Variants in NMNAT3 observed in about 807,000 individuals in gnomAD.
NMNAT3 encodes the protein nicotinamide/nicotinic acid mononucleotide adenylyltransferase 3.
A neutral mutation model predicts 24.8 loss-of-function variants in NMNAT3; 21 were observed. That is an observed-to-expected ratio of 0.85 (90% CI 0.60 to 1.22). The LOEUF is 1.22. Ranked by LOEUF, NMNAT3 falls within the 50% of genes most tolerant of loss-of-function variation. NMNAT3 has a pLI of 0.00. For synonymous variants in NMNAT3, 136 were observed against 155.2 expected, an observed-to-expected ratio of 0.88 and a Z score of 0.92; for missense variants, 387 against 436.6, an observed-to-expected ratio of 0.89 and a Z score of 1.01.
At chr3:139,626,713 T>C (rs73220970) in intron 3 of NMNAT3, among the ~76,000 whole-genome samples, 1 of 152,266 alleles carries the variant, frequency 6.6e-6, no homozygotes, top group Non-Finnish European at 1.5e-5. Context: ...ACTTTTACTT[T>C]TTCAATAAAA....
chr3:139,636,935 A>C (rs1342439448), intron 2 of NMNAT3: 1 of 152,206 alleles, frequency 6.6e-6, no homozygotes, highest in African/African-American at 2.4e-5. Context: ...CAAAGTCCAC[A>C]GACTAAATCT....
intron 2 of NMNAT3, among the ~76,000 whole-genome samples, chr3:139,630,335 G>A (rs2056241025): frequency 6.6e-6 from 1 of 152,146 alleles, no homozygotes; most frequent in African/African-American, 2.4e-5. Context: ...ATTGGAAACT[G>A]GATTAACTAA....
chr3:139,648,220 C>T (rs909615617), intron 1 of NMNAT3, among the ~76,000 whole-genome samples: 1 of 152,186 alleles, frequency 6.6e-6, no homozygotes, highest in Non-Finnish European at 1.5e-5. Context: ...TGTGTTCTCT[C>T]TCACCTGCTG....
intron 1 of NMNAT3, among the ~76,000 whole-genome samples, chr3:139,647,907 TGGAA>T (rs539036927): frequency 1.4e-3 from 210 of 152,348 alleles, no homozygotes; most frequent in Admixed American, 2.4e-3. Context: ...ACAGACACGT[TGGAA>T]GGAAGAGTTT....
chr3:139,612,771 G>C (rs148574496), intron 3 of NMNAT3, among the ~76,000 whole-genome samples: 1 of 152,116 alleles, frequency 6.6e-6, no homozygotes, highest in South Asian at 2.1e-4. Context: ...GCATGGTACT[G>C]GTACCAAAAC....
chr3:139,640,906 T>G (rs1419945889), intron 1 of NMNAT3, among the ~76,000 whole-genome samples: 3 of 152,240 alleles, frequency 2.0e-5, no homozygotes, highest in Non-Finnish European at 4.4e-5. Context: ...CTGAGTCAGA[T>G]TTGAGGCTGT....
intron 3 of NMNAT3, among the ~76,000 whole-genome samples, chr3:139,604,222 C>A (rs536940476): frequency 6.6e-6 from 1 of 152,110 alleles, no homozygotes; most frequent in Admixed American, 6.5e-5. Flanking sequence ...GTGCAAGCCA[C>A]GTAGCAACTA....
Position 139,582,965 on chromosome 3 carries a change from T to C in NMNAT3, c.353A>G (p.Asn118Ser). 1 of 1,555,376 alleles carries C rather than the reference T, an allele frequency of 6.4e-7. No individual in the cohort carries two copies. The highest frequency in any genetic ancestry group is 1.3e-5 in the South Asian group (1 of 79,356). The stretch of plus-strand genomic sequence containing the variant: ...ATCAGTGAATATTTTGTTTGTTTGG[T>C]TCCAGGTGCTATCTATAAATATAAT... The change falls in exon 4 of 7, where the codon AAC becomes AGC. Residue 118 changes from asparagine (N) to serine (S), a missense_variant. By Grantham distance (46) the Asn-to-Ser change is conservative (BLOSUM62 1). Around this residue, in one of 3 missense-constraint regions of NMNAT3, gnomAD observed 323 missense variants for 345.2 expected, o/e 0.94. Coordinates refer to ENST00000643695, the MANE Select transcript of NMNAT3 (RefSeq NM_001320510.2).
chr3:139,594,802 A>G (rs373268352), intron 3 of NMNAT3, among the ~76,000 whole-genome samples: 5 of 152,316 alleles, frequency 3.3e-5, no homozygotes, highest in African/African-American at 7.2e-5. Flanking sequence ...GGTATTGATG[A>G]GACGTATCTC....
chr3:139,570,487 G>A (rs1938045453), intron 6 of NMNAT3: 1 of 152,052 alleles, frequency 6.6e-6, no homozygotes, highest in Non-Finnish European at 1.5e-5. Flanking sequence ...TCTACCTTTG[G>A]TCTTTGATGA....
chr3:139,620,224 G>C (rs1467642955), intron 3 of NMNAT3, among the ~76,000 whole-genome samples: 3 of 131,662 alleles, frequency 2.3e-5, no homozygotes, highest in Non-Finnish European at 4.8e-5. Flanking sequence ...TTTAAAGTTT[G>C]ATGTTTTTTA....
intron 2 of NMNAT3, 58 bp from the exon 4 acceptor site, chr3:139,627,822 C>A: frequency 3.2e-6 from 2 of 626,188 alleles, no homozygotes; most frequent in Non-Finnish European, 5.5e-6. Flanking sequence ...TTATCCAGAT[C>A]AGTCTCTCTA....
chr3:139,615,954 C>T (rs889350454), intron 3 of NMNAT3, among the ~76,000 whole-genome samples: 2 of 152,098 alleles, frequency 1.3e-5, no homozygotes, highest in African/African-American at 4.8e-5. Context: ...AATTGTCTCC[C>T]CTTGTTATTA....
chr3:139,601,252 T>C (rs1344336344), intron 3 of NMNAT3, among the ~76,000 whole-genome samples: 2 of 152,222 alleles, frequency 1.3e-5, no homozygotes, highest in Admixed American at 6.5e-5. Flanking sequence ...TCAACTGTCC[T>C]TTCAAGCCAG....
chr3:139,579,030 G>A lies in NMNAT3; in HGVS notation c.417C>T (p.Ile139=). 1 of 1,613,986 alleles carries A rather than the reference G, an allele frequency of 6.2e-7. No individual in the cohort carries two copies. The highest frequency in any genetic ancestry group is 8.5e-7 in the Non-Finnish European group (1 of 1,179,962). The change falls in exon 5 of 7, where the codon ATC becomes ATT. Residue 139 remains isoleucine, a synonymous_variant. Coordinates refer to ENST00000643695, the MANE Select transcript of NMNAT3 (RefSeq NM_001320510.2). ...CATAGGTGTCGTTGACAGGAGAGAT[G>A]ATACCCTGGATGACCTGGTACATTC...
At chr3:139,656,168 G>T (rs1013637840) in intron 1 of NMNAT3, among the ~76,000 whole-genome samples, 1 of 152,198 alleles carries the variant, frequency 6.6e-6, no homozygotes, top group African/African-American at 2.4e-5. Flanking sequence ...GGTAATTAAT[G>T]AATAGGACGC....
chr3:139,650,197 A>T (rs1027127992), intron 1 of NMNAT3, among the ~76,000 whole-genome samples: 1 of 152,196 alleles, frequency 6.6e-6, no homozygotes, highest in Non-Finnish European at 1.5e-5. Context: ...TCTCCATATA[A>T]TATGAAATGT....
intron 1 of NMNAT3, among the ~76,000 whole-genome samples, chr3:139,658,170 C>G (rs548745501): frequency 2.8e-4 from 42 of 152,252 alleles, no homozygotes; most frequent in Non-Finnish European, 2.8e-4. Context: ...CACATCTAAC[C>G]TAGCTTCTAC....
At chr3:139,629,784 C>G (rs1156405581) in intron 2 of NMNAT3, among the ~76,000 whole-genome samples, 1 of 152,188 alleles carries the variant, frequency 6.6e-6, no homozygotes, top group Non-Finnish European at 1.5e-5. Flanking sequence ...TCATGGCTTC[C>G]TGCTTCAACC....
Sources: allele counts gnomAD v4.1 joint callset (sites outside exome capture counted in the v4.1 genomes callset), GRCh38; gene constraint gnomAD v4.1.1; regional missense constraint gnomAD v4.1.1; transcripts MANE v1.5; gene names NCBI Gene and HGNC (gene_info 2026-07-23, HGNC 2026-07-21).